Variants in GRID2 observed in about 807,000 individuals in gnomAD.
GRID2 encodes the protein glutamate receptor ionotropic, delta-2.
GRID2 carries 33 observed loss-of-function variants against 114.8 expected under a neutral mutation model. The observed-to-expected ratio is 0.29, with a 90% CI of 0.22 to 0.38. The LOEUF (loss-of-function observed/expected upper bound fraction) is 0.38, where lower values mean the gene tolerates loss of function less well. Ranked by LOEUF, GRID2 falls within the 10% of genes least tolerant of loss-of-function variation. The probability of loss-of-function intolerance (pLI) is 1.00; values close to 1 mark genes in which losing one functional copy is unlikely to be tolerated. For missense variants in GRID2, 1,184 were observed against 1,257.7 expected (o/e 0.94, Z 0.89); for synonymous variants, 505 against 449.9 (o/e 1.12, Z -1.55).
At chr4:92,619,443 TTTCTG>T (rs1327509517) in intron 2 of GRID2, among the ~76,000 whole-genome samples, 1 of 151,712 alleles carries the variant, frequency 6.6e-6, no homozygotes, top group African/African-American at 2.4e-5. Flanking sequence ...TCTTGTAAAA[TTTCTG>T]ACTAGTATTC....
intron 9 of GRID2, among the ~76,000 whole-genome samples, chr4:93,414,118 C>A (rs940093664): frequency 6.6e-6 from 1 of 152,118 alleles, no homozygotes; most frequent in Non-Finnish European, 1.5e-5. Context: ...ACCCCACATC[C>A]AATATATCAA....
chr4:92,720,292 A>G (rs1292291965), intron 2 of GRID2, among the ~76,000 whole-genome samples: 1 of 152,080 alleles, frequency 6.6e-6, no homozygotes, highest in Non-Finnish European at 1.5e-5. Context: ...TATGTGTGCA[A>G]TTTATCCTTA....
intron 3 of GRID2, among the ~76,000 whole-genome samples, chr4:93,110,217 C>T (rs1056788263): frequency 2.1e-4 from 32 of 152,190 alleles, no homozygotes; most frequent in African/African-American, 7.7e-4. Context: ...TATTTGTGGT[C>T]TAAGTTACCT....
chr4:93,071,715 CAG>C, intron 2 of GRID2, among the ~76,000 whole-genome samples: 1 of 152,030 alleles, frequency 6.6e-6, no homozygotes. Flanking sequence ...CTGATGGAAA[CAG>C]GAGTTTGGGT....
chr4:93,023,112 T>C (rs1197781660), intron 2 of GRID2, among the ~76,000 whole-genome samples: 2 of 150,980 alleles, frequency 1.3e-5, no homozygotes, highest in Non-Finnish European at 3.0e-5. Context: ...TGTGTGTGTG[T>C]GTGTGTGTGT....
intron 2 of GRID2, among the ~76,000 whole-genome samples, chr4:93,078,202 CTT>C (rs1466978203): frequency 1.3e-5 from 2 of 152,116 alleles, no homozygotes; most frequent in Non-Finnish European, 2.9e-5. Context: ...TTTCTTTACT[CTT>C]TTTCGTCAAG....
At chr4:92,493,344 A>G (rs1000763648) in intron 1 of GRID2, among the ~76,000 whole-genome samples, 4 of 152,142 alleles carry the variant, frequency 2.6e-5, no homozygotes, top group Non-Finnish European at 5.9e-5. Flanking sequence ...ACTTTCTTCC[A>G]CCTGATACCT....
intron 2 of GRID2, among the ~76,000 whole-genome samples, chr4:92,870,053 T>A (rs1339311798): frequency 2.0e-5 from 3 of 149,436 alleles, no homozygotes; most frequent in South Asian, 2.1e-4. Context: ...AAAAAAAAAA[T>A]AGCCAGGCTT....
chr4:92,633,373 T>C (rs1481072415), intron 2 of GRID2, among the ~76,000 whole-genome samples: 1 of 152,076 alleles, frequency 6.6e-6, no homozygotes, highest in Non-Finnish European at 1.5e-5. Flanking sequence ...GAGCAAATGG[T>C]GCATTTTAGA....
At chr4:92,471,417 G>GT (rs1560652889) in intron 1 of GRID2, among the ~76,000 whole-genome samples, 1 of 152,016 alleles carries the variant, frequency 6.6e-6, no homozygotes, top group Non-Finnish European at 1.5e-5. Context: ...CTGTTGGTAA[G>GT]TAAGTCATTA....
At chr4:93,589,476 A>G (rs938444249) in intron 13 of GRID2, among the ~76,000 whole-genome samples, 5 of 151,970 alleles carry the variant, frequency 3.3e-5, no homozygotes, top group African/African-American at 1.2e-4. Flanking sequence ...GGTTGGTTCC[A>G]AGTCTTTGCT....
At chr4:92,868,696 C>A (rs2149443792) in intron 2 of GRID2, among the ~76,000 whole-genome samples, 1 of 150,654 alleles carries the variant, frequency 6.6e-6, no homozygotes, top group East Asian at 1.9e-4. Flanking sequence ...AGGAAAACTA[C>A]ATTTTATGTA....
In GRID2 at chr4:92,414,998, A is replaced by G. The variant is rs188153971; in HGVS notation, c.88+110254A>G. Among the ~76,000 whole-genome samples, 7 of 152,260 alleles carry G rather than the reference A, an allele frequency of 4.6e-5. No homozygotes were observed. In the East Asian group the frequency reaches 5.8e-4, roughly 13 times the overall value. On this transcript the variant is annotated intron_variant, in intron 1 of 15. Transcript: ENST00000282020. ...GACAAGATGTTACGGTAGTCAGAGC[A>G]TGCTTTTCACCCTGCCTTATTATTA...
chr4:93,036,820 C>T (rs949997149), intron 2 of GRID2, among the ~76,000 whole-genome samples: 1 of 152,178 alleles, frequency 6.6e-6, no homozygotes, highest in South Asian at 2.1e-4. Flanking sequence ...TAAAGTTGTA[C>T]TAAAAAATAG....
rs1460999205 is a variant in GRID2 at position 93,103,837 on chromosome 4, C to CTTT, written c.530-6909_530-6908insTTT. Among the ~76,000 whole-genome samples, 7 of 119,816 alleles carry CTTT rather than the reference C, an allele frequency of 5.8e-5. No homozygotes were observed. In the East Asian group the frequency reaches 1.6e-3, roughly 28 times the overall value. The allele number at this position is 119,816 out of a possible 152,430, so 78.6% of individuals were successfully genotyped here. On this transcript the variant is annotated intron_variant, in intron 3 of 15. Coordinates refer to ENST00000282020, the MANE Select transcript of GRID2 (RefSeq NM_001510.4). ...AGAAGCATCAAGTGAGAGAAAATCC[C>CTTT]TTGTTTTTTTTTTTTGTTTGTTTTT...
At chr4:92,589,527 A>T (rs962991326) in intron 1 of GRID2, among the ~76,000 whole-genome samples, 10 of 152,244 alleles carry the variant, frequency 6.6e-5, no homozygotes, top group African/African-American at 2.4e-4. Flanking sequence ...ATAATTATCC[A>T]TTAGGACTTA....
intron 2 of GRID2, among the ~76,000 whole-genome samples, chr4:93,003,805 G>A (rs1221171319): frequency 6.6e-6 from 1 of 151,968 alleles, no homozygotes; most frequent in Non-Finnish European, 1.5e-5. Context: ...AGACACTTTT[G>A]TACTTGGAGT....
intron 14 of GRID2, among the ~76,000 whole-genome samples, chr4:93,710,073 C>A (rs1898904): frequency 0.44 from 66,154 of 151,856 alleles, 14,840 homozygotes; most frequent in East Asian, 0.73. Flanking sequence ...GTCACTGGTG[C>A]CTTTTAGTCT....
intron 8 of GRID2, among the ~76,000 whole-genome samples, chr4:93,340,240 C>CTTTTTTTTTTTTT (rs33924908): frequency 7.2e-6 from 1 of 139,770 alleles, no homozygotes; most frequent in Non-Finnish European, 1.6e-5. Context: ...TATCTCCTCT[C>CTTTTTTTTTTTTT]TTTTTTTTTT....
Sources: allele counts gnomAD v4.1 joint callset (sites outside exome capture counted in the v4.1 genomes callset), GRCh38; gene constraint gnomAD v4.1.1; transcripts MANE v1.5; gene names NCBI Gene and HGNC (gene_info 2026-07-23, HGNC 2026-07-21).